Variants in F12 observed in about 807,000 individuals in gnomAD.
The protein encoded by F12 is coagulation factor XII.
A neutral mutation model predicts 74.8 loss-of-function variants in F12; 70 were observed. That is an observed-to-expected ratio of 0.94 (90% confidence interval 0.77 to 1.14). The LOEUF (loss-of-function observed/expected upper bound fraction) is 1.14. F12 is among the 50% of genes most tolerant of loss of function. The pLI, the probability that F12 is intolerant of heterozygous loss-of-function variation, is 0.00. For synonymous variants in F12, 373 were observed against 356.4 expected (o/e 1.05, Z -0.52); for missense variants, 811 against 835.7 (o/e 0.97, Z 0.36).
Position 177,402,253 on chromosome 5 carries a change from G to A in F12, c.*39C>T. 6.2e-7 allele frequency: 1 copy of A among 1,610,602 alleles called. No homozygotes were observed. Among genetic ancestry groups the A allele is most frequent in the Non-Finnish European group, 8.5e-7 (1 of 1,178,682 alleles). Reference sequence around the variant, plus strand: ...TCCATGCCCCAGCCACTCTCTCACTGCGGAATCACCAAGGAGGGAAAGATG... The same window carrying A: ...TCCATGCCCCAGCCACTCTCTCACTACGGAATCACCAAGGAGGGAAAGATG... On this transcript the variant is annotated 3_prime_UTR_variant, in exon 14 of 14. Transcript: ENST00000253496.
Position 177,405,122 on chromosome 5 carries a change from T to C in F12, c.461A>G (p.Glu154Gly), listed in dbSNP as rs1763257939. Residue 154 changes from glutamate to glycine, a missense_variant, in exon 6 of 14, where the codon GAG becomes GGG. Transcript: ENST00000253496. The stretch of plus-strand genomic sequence containing the variant: ...CTGGCATCTGGCCACAGCTGCTTGC[T>C]CAGTTCTATACCATATCTCATTCTT... Reference protein sequence around the residue: ...FHKNEIWYRTEQAAVARCQCK... With the variant: ...FHKNEIWYRTGQAAVARCQCK... The C allele has an allele frequency of 6.2e-7, 1 of 1,613,860 alleles. No individual in the cohort carries two copies.
At position 177,403,946 on chromosome 5, in the gene F12, G is replaced by A; in HGVS notation, c.1163C>T (p.Ala388Val). ...GAAACTGTGGCCCCAGTACAGCGCGGCGATGTAGGGGTGCGCCCCGCGTAG... is the reference window on the plus strand; with the variant it reads ...GAAACTGTGGCCCCAGTACAGCGCGACGATGTAGGGGTGCGCCCCGCGTAG... Reference protein sequence around the residue: ...VALRGAHPYIAALYWGHSFCA... With the variant: ...VALRGAHPYIVALYWGHSFCA... The change falls in exon 10 of 14, where the codon GCC becomes GTC. Residue 388 changes from alanine to valine, a missense_variant. Ala to Val is a moderately conservative substitution (Grantham distance 64, BLOSUM62 0). Coordinates refer to ENST00000253496, the MANE Select transcript of F12 (RefSeq NM_000505.4). The A allele has an allele frequency of 6.2e-7, 1 of 1,601,048 alleles. No individual in the cohort carries two copies. The highest frequency in any genetic ancestry group is 8.5e-7 in the Non-Finnish European group (1 of 1,178,262).
At chr5:177,405,617 G>A in intron 4 of F12, 118 bp downstream of exon 4, 1 of 1,233,460 alleles carries the variant, frequency 8.1e-7, no homozygotes. Flanking sequence ...AAAGGGTATT[G>A]TGGAGGGAGA....
intron 12 of F12, 164 bp from the exon 13 acceptor site, chr5:177,402,862 G>T: frequency 2.0e-6 from 2 of 1,002,968 alleles, no homozygotes; most frequent in Non-Finnish European, 1.5e-6. Flanking sequence ...TAGGCAAGGA[G>T]GCTGAGGTCC....
chr5:177,403,254 C>T lies in F12; in HGVS notation c.1531G>A (p.Gly511Arg), dbSNP rs1411780931. 4 of 1,600,566 alleles carry T rather than the reference C, an allele frequency of 2.5e-6. No homozygotes were observed. Among genetic ancestry groups the T allele is most frequent in the Non-Finnish European group, 2.5e-6 (3 of 1,179,850 alleles). ...CCCTGCCCCTAGCAGTTGTGCCTAC[C>T]CTCGAACTGGTGGCCCCAGCCGGCC... ...QVAGWGHQFE[G>R]AEEYASFLQE... The change falls in exon 12 of 14, where the codon GGG (glycine) becomes AGG (arginine). Residue 511 changes from glycine (G) to arginine (R), a missense_variant and splice_region_variant. Coordinates refer to ENST00000253496, the MANE Select transcript of F12 (RefSeq NM_000505.4).
In F12 at chr5:177,402,217, C is replaced by G; in HGVS notation, c.*75G>C. On this transcript the variant is annotated 3_prime_UTR_variant, in exon 14 of 14. Coordinates refer to ENST00000253496, the MANE Select transcript of F12 (RefSeq NM_000505.4). ...CTGGCCGCACTGGGGGAATGGGACACAATCTTGCCTTCCATGCCCCAGCCA... is the reference window on the plus strand; with the variant it reads ...CTGGCCGCACTGGGGGAATGGGACAGAATCTTGCCTTCCATGCCCCAGCCA... 1 of 1,579,748 alleles carries G rather than the reference C, an allele frequency of 6.3e-7. No homozygotes were observed. The highest frequency in any genetic ancestry group is 8.6e-7 in the Non-Finnish European group (1 of 1,160,388).
At chr5:177,407,401 C>G (rs1479697314) in intron 2 of F12, among the ~76,000 whole-genome samples, 1 of 152,142 alleles carries the variant, frequency 6.6e-6, no homozygotes, top group Non-Finnish European at 1.5e-5. Context: ...TAAGCTTTTG[C>G]CACTATTTTG....
chr5:177,404,337 C>A lies in F12; in HGVS notation c.877G>T (p.Ala293Ser), dbSNP rs755175711. The A allele has an allele frequency of 1.2e-6, 2 of 1,610,486 alleles. No homozygotes were observed. Among genetic ancestry groups the A allele is most frequent in the East Asian group, 4.5e-5 (2 of 44,848 alleles). Residue 293 changes from alanine (A) to serine (S), a missense_variant, in exon 9 of 14, where the codon GCA becomes TCA. Transcript: ENST00000253496. ...DRLSWEYCDL[A>S]QCQTPTQAAP... ...GCCTGGGTTGGGGTCTGGCACTGTG[C>A]CAGGTCGCAGTACTCCCAGCTCAGC...
Position 177,405,084 on chromosome 5 carries a change from C to G in F12, c.499G>C (p.Asp167His). The change falls in exon 6 of 14, where the codon GAT becomes CAT. Residue 167 changes from aspartate to histidine, a missense_variant. By Grantham distance (81) the Asp-to-His change is moderately conservative (BLOSUM62 -1). Coordinates refer to ENST00000253496, the MANE Select transcript of F12 (RefSeq NM_000505.4). Reference protein sequence around the residue: ...AVARCQCKGPDAHCQRLASQA... With the variant: ...AVARCQCKGPHAHCQRLASQA... ...CTGGCCAGCCGCTGGCAGTGGGCAT[C>G]AGGACCCTTGCACTGGCATCTGGCC... The G allele has an allele frequency of 6.2e-7, 1 of 1,613,416 alleles. No homozygotes were observed. Among genetic ancestry groups the G allele is most frequent in the African/African-American group, 1.3e-5 (1 of 75,066 alleles).
rs115119084 is a variant in F12 at position 177,403,526 on chromosome 5, G to A, written c.1342C>T (p.Arg448Cys). The part of the protein sequence containing the change: ...PCQTLAVRSY[R>C]LHEAFSPVSY... ...ACGGGCGAGAAGGCCTCGTGCAAGC[G>A]GTAGGAGCGCACGGCCAACGTCTGG... The change falls in exon 11 of 14, where the codon CGC becomes TGC. Residue 448 changes from arginine to cysteine, a missense_variant. Physicochemically the swap from Arg to Cys is radical, Grantham distance 180 (BLOSUM62 -3). Transcript: ENST00000253496. 1.1e-3 allele frequency: 1,791 copies of A among 1,587,578 alleles called. 22 individuals carry two copies. The African/African-American group carries it at 0.021, about 18-fold the overall frequency.
chr5:177,403,103 T>G, intron 12 of F12, 151 bp downstream of exon 12: 1 of 969,284 alleles, frequency 1.0e-6, no homozygotes, highest in East Asian at 2.6e-5. Context: ...GGATTCTACC[T>G]GGGATTCACC....
In F12 at chr5:177,409,070, A is replaced by G. The variant is rs1258809696; in HGVS notation, c.91T>C (p.Tyr31His). The change falls in exon 2 of 14, where the codon TAC becomes CAC. Residue 31 changes from tyrosine to histidine, a missense_variant. By Grantham distance (83) the Tyr-to-His change is moderately conservative (BLOSUM62 2). Transcript: ENST00000253496. ...CCGACTGTGTGCTCTTCAGCTTTGT[A>G]CTTATGCTCCTTGGGGGCTTCCCAA... is the stretch of plus-strand genomic sequence containing the variant. ...PPWEAPKEHK[Y>H]KAEEHTVVLT... 1 of 1,551,666 alleles carries G rather than the reference A, an allele frequency of 6.4e-7. No individual in the cohort carries two copies. The highest frequency in any genetic ancestry group is 2.4e-5 in the East Asian group (1 of 40,942).
At position 177,403,712 on chromosome 5, in the gene F12, G is replaced by C. The variant is rs940034438; in HGVS notation, c.1251-95C>G. On this transcript the variant is annotated intron_variant, in intron 10 of 13. Transcript: ENST00000253496. Reference sequence around the variant, plus strand: ...TCCCGAACCCCAATCCCGTGTTCCAGCTTCCTCCCCGGGAGCTCCGGAGGG... The same window carrying C: ...TCCCGAACCCCAATCCCGTGTTCCACCTTCCTCCCCGGGAGCTCCGGAGGG... 7 of 1,534,386 alleles carry C rather than the reference G, an allele frequency of 4.6e-6. No homozygotes were observed. In the African/African-American group the frequency reaches 5.4e-5, roughly 12 times the overall value.
At chr5:177,402,967 C>G in intron 12 of F12, 1 of 673,790 alleles carries the variant, frequency 1.5e-6, no homozygotes, top group Non-Finnish European at 2.5e-6. Flanking sequence ...CACACTAGCC[C>G]GGAGCGCGGG....
chr5:177,402,920 C>T (rs1763175427), intron 12 of F12: 3 of 692,688 alleles, frequency 4.3e-6, no homozygotes, highest in Non-Finnish European at 7.2e-6. Context: ...AGAAACCCCT[C>T]CCCCACCACC....
At chr5:177,402,748 C>T in intron 12 of F12, 50 bp from the exon 13 acceptor site, 1 of 1,601,784 alleles carries the variant, frequency 6.2e-7, no homozygotes, top group Non-Finnish European at 8.5e-7. Context: ...ACGCTTGCCG[C>T]CCGGACGATG....
intron 2 of F12, among the ~76,000 whole-genome samples, chr5:177,408,829 C>T (rs554740957): frequency 6.6e-6 from 1 of 152,248 alleles, no homozygotes; most frequent in Non-Finnish European, 1.5e-5. Flanking sequence ...GCCAGCAGCA[C>T]ATATCTCAAG....
Position 177,403,335 on chromosome 5 carries a change from G to A in F12, c.1450C>T (p.Pro484Ser). The A allele has an allele frequency of 6.3e-7, 1 of 1,599,408 alleles. No homozygotes were observed. Among genetic ancestry groups the A allele is most frequent in the Non-Finnish European group, 8.5e-7 (1 of 1,179,776 alleles). Reference sequence around the variant, plus strand: ...GCGGCGCCGCTTGGCAGGCACACCGGCTGAACGTAAGGCGACAGGAGCGCG... The same window carrying A: ...GCGGCGCCGCTTGGCAGGCACACCGACTGAACGTAAGGCGACAGGAGCGCG... ...SCALLSPYVQ[P>S]VCLPSGAARP... The change falls in exon 12 of 14, where the codon CCG (proline) becomes TCG (serine). Residue 484 changes from proline (P) to serine (S), a missense_variant. Physicochemically the swap from Pro to Ser is moderately conservative, Grantham distance 74. Transcript: ENST00000253496.
chr5:177,404,429 G>T lies in F12; in HGVS notation c.801-16C>A. ...GTCCGGGTTCCTGTAGCCACACGACGGGGCGCCGTTAGAGCGCCGGGAGCC... is the reference window on the plus strand; with the variant it reads ...GTCCGGGTTCCTGTAGCCACACGACTGGGCGCCGTTAGAGCGCCGGGAGCC... On this transcript the variant is annotated splice_polypyrimidine_tract_variant and intron_variant, in intron 8 of 13. Transcript: ENST00000253496. 8.1e-6 allele frequency: 13 copies of T among 1,609,566 alleles called. No individual in the cohort carries two copies. Among genetic ancestry groups the T allele is most frequent in the Non-Finnish European group, 1.0e-5 (12 of 1,178,588 alleles).
Sources: allele counts gnomAD v4.1 joint callset (sites outside exome capture counted in the v4.1 genomes callset), GRCh38; gene constraint gnomAD v4.1.1; transcripts MANE v1.5; gene names NCBI Gene and HGNC (gene_info 2026-07-23, HGNC 2026-07-21).